Variants in CREBBP observed in about 807,000 individuals in gnomAD.
CREBBP encodes the protein CREB-binding protein.
CREBBP carries 19 observed loss-of-function variants against 265.0 expected under a neutral mutation model. The observed-to-expected ratio is 0.07, with a 90% CI of 0.05 to 0.11. CREBBP has a LOEUF of 0.11. Ranked by LOEUF, CREBBP falls within the 10% of genes least tolerant of loss-of-function variation. The pLI is 1.00. For synonymous variants in CREBBP, 1,457 were observed against 1,223.7 expected (o/e 1.19, Z -3.98); for missense variants, 2,525 against 3,219.0 (o/e 0.78, Z 5.22).
chr16:3,734,244 C>T (rs532360312), intron 28 of CREBBP, among the ~76,000 whole-genome samples: 8 of 152,288 alleles, frequency 5.3e-5, no homozygotes, highest in Non-Finnish European at 8.8e-5. Context: ...CTCCACCCCA[C>T]GCACCAGCCC....
chr16:3,812,097 T>A (rs768200978), intron 2 of CREBBP, among the ~76,000 whole-genome samples: 11 of 152,102 alleles, frequency 7.2e-5, no homozygotes, highest in Non-Finnish European at 1.6e-4. Flanking sequence ...GGTAAGGTAC[T>A]GATAATCACT....
intron 11 of CREBBP, 53 bp downstream of exon 11, chr16:3,777,560 T>C: frequency 6.4e-7 from 1 of 1,565,710 alleles, no homozygotes; most frequent in South Asian, 1.1e-5. Flanking sequence ...CAGTGAAAGT[T>C]ATGGCTGTTG....
chr16:3,856,704 C>G (rs1335619432), intron 1 of CREBBP, among the ~76,000 whole-genome samples: 2 of 152,178 alleles, frequency 1.3e-5, no homozygotes, highest in African/African-American at 4.8e-5. Flanking sequence ...GGAGCCATTA[C>G]CATTAGAGAT....
chr16:3,797,281 A>C (rs1195575686), intron 3 of CREBBP, among the ~76,000 whole-genome samples: 1 of 152,228 alleles, frequency 6.6e-6, no homozygotes, highest in Non-Finnish European at 1.5e-5. Context: ...GTAAAAATAA[A>C]GGGGCAATCT....
intron 5 of CREBBP, chr16:3,791,059 G>T (rs2053497219): frequency 6.5e-6 from 1 of 152,736 alleles, no homozygotes; most frequent in Admixed American, 6.5e-5. Flanking sequence ...AGACGAGATG[G>T]AGGAAGATGA....
In CREBBP at chr16:3,880,029, A is replaced by AGCGG. The variant is rs1031786978; in HGVS notation, c.-117_-114dup. ...GGGAGAGGAGCGAGCGCGGGCCGCG[A>AGCGG]GCGGGCGGGCGGGCGCCGAGGGAGA... On this transcript the variant is annotated 5_prime_UTR_variant, in exon 1 of 31. Transcript: ENST00000262367. The AGCGG allele has an allele frequency of 2.5e-5, 23 of 921,788 alleles. No individual in the cohort carries two copies. The highest frequency in any genetic ancestry group is 1.4e-4 in the Admixed American group (3 of 21,308). The allele number at this position is 921,788 out of a possible 1,614,324, so 57.1% of individuals were successfully genotyped here.
At position 3,728,284 on chromosome 16, in the gene CREBBP, G is replaced by C. The variant is rs754396803; in HGVS notation, c.6763C>G (p.Pro2255Ala). The stretch of plus-strand genomic sequence containing the variant: ...TGGCCCATGGAGCTGCCCTGGAGGG[G>C]GAGATGCTGCTGCATGCGCTGCTGC... ...QQQQRMQQHL[P>A]LQGSSMGQMA... Residue 2255 changes from proline (P) to alanine (A), a missense_variant, in exon 31 of 31, where the codon CCC becomes GCC. By Grantham distance (27) the Pro-to-Ala change is conservative. Transcript: ENST00000262367. The surrounding 1 kb of genome is among the most constrained non-coding windows in gnomAD (Gnocchi z 8.7). 17 of 1,612,156 alleles carry C rather than the reference G, an allele frequency of 1.1e-5. No homozygotes were observed. The highest frequency in any genetic ancestry group is 1.4e-5 in the Non-Finnish European group (17 of 1,179,622).
intron 19 of CREBBP, among the ~76,000 whole-genome samples, chr16:3,756,770 G>C (rs368077172): frequency 6.6e-6 from 1 of 152,156 alleles, no homozygotes. Flanking sequence ...AGGTAGAATA[G>C]TAAAATCCAC....
chr16:3,754,165 C>G (rs1356013697), intron 19 of CREBBP, among the ~76,000 whole-genome samples: 1 of 152,148 alleles, frequency 6.6e-6, no homozygotes, highest in African/African-American at 2.4e-5. Flanking sequence ...CTCAAAACTG[C>G]TGGAGAAATG....
chr16:3,740,770 C>T (rs1013847795), intron 23 of CREBBP: 23 of 618,014 alleles, frequency 3.7e-5, no homozygotes, highest in Non-Finnish European at 6.0e-5. Context: ...AAACCGTTTA[C>T]GTGCCCAGGT....
At chr16:3,839,010 T>C (rs1385325986) in intron 2 of CREBBP, among the ~76,000 whole-genome samples, 1 of 152,222 alleles carries the variant, frequency 6.6e-6, no homozygotes, top group Non-Finnish European at 1.5e-5. Context: ...CCTATGCATA[T>C]ACTAAGAATG....
rs1044154828 is a variant in CREBBP at position 3,725,362 on chromosome 16, G to C, written c.*2356C>G. On this transcript the variant is annotated 3_prime_UTR_variant, in exon 31 of 31. Transcript: ENST00000262367. Reference sequence around the variant, plus strand: ...GAATTCCAGGATAACCTGAAACAGAGGCCCCTCCACTGCCCACATTAAAAG... The same window carrying C: ...GAATTCCAGGATAACCTGAAACAGACGCCCCTCCACTGCCCACATTAAAAG... 2.6e-5 allele frequency: 6 copies of C among 233,174 alleles called. No homozygotes were observed. Among genetic ancestry groups the C allele is most frequent in the African/African-American group, 1.1e-4 (5 of 45,350 alleles). The allele number at this position is 233,174 out of a possible 1,614,324, so 14.4% of individuals were successfully genotyped here.
Position 3,726,906 on chromosome 16 carries a change from A to T in CREBBP, c.*812T>A, listed in dbSNP as rs929488418. ...TCTATACAGTGATTGAATCTTCTCG[A>T]GTTTCGTATTTATAGGAATTAGAGC... On this transcript the variant is annotated 3_prime_UTR_variant, in exon 31 of 31. Transcript: ENST00000262367. 6 of 233,456 alleles carry T rather than the reference A, an allele frequency of 2.6e-5. No individual in the cohort carries two copies. The highest frequency in any genetic ancestry group is 4.4e-5 in the African/African-American group (2 of 45,326). The allele number at this position is 233,456 out of a possible 1,614,324, so 14.5% of individuals were successfully genotyped here. A position where few individuals can be genotyped will look rare whatever the true frequency, so the allele number is the denominator to read the frequency against.
intron 1 of CREBBP, among the ~76,000 whole-genome samples, chr16:3,867,904 G>A (rs920582574): frequency 1.3e-5 from 2 of 151,860 alleles, no homozygotes; most frequent in Admixed American, 6.6e-5. Context: ...CCAGCCTGGC[G>A]GACAGAGTGA....
At chr16:3,867,747 G>A (rs987776982) in intron 1 of CREBBP, among the ~76,000 whole-genome samples, 6 of 139,420 alleles carry the variant, frequency 4.3e-5, no homozygotes, top group African/African-American at 8.1e-5. Context: ...GGAAGACCCC[G>A]TATCTCTACT....
chr16:3,833,993 C>T lies in CREBBP; in HGVS notation c.798+16304G>A, dbSNP rs371076914. 4.6e-5 allele frequency among the ~76,000 whole-genome samples: 7 copies of T among 152,250 alleles called. No homozygotes were observed. In the South Asian group the frequency reaches 8.3e-4, roughly 18 times the overall value. On this transcript the variant is annotated intron_variant, in intron 2 of 30. Coordinates refer to ENST00000262367, the MANE Select transcript of CREBBP (RefSeq NM_004380.3). Reference sequence around the variant, plus strand: ...TTAACATACACCTCATCAAAGAAGACACACAGATGGCAAATAAGCGTATGA... The same window carrying T: ...TTAACATACACCTCATCAAAGAAGATACACAGATGGCAAATAAGCGTATGA...
At chr16:3,744,811 G>A (rs2052301091) in intron 23 of CREBBP, 83 bp downstream of exon 23, 1 of 1,062,644 alleles carries the variant, frequency 9.4e-7, no homozygotes, top group Non-Finnish European at 1.5e-6. Flanking sequence ...CATGTGTTGA[G>A]AGGAACCAAA....
chr16:3,727,955 T>C lies in CREBBP; in HGVS notation c.7092A>G (p.Ser2364=). ...GCGAAGGCTGGGGCTGTATCCGTGG[T>C]GACGGGCTGGAATGTGGAGGCTGGG... ...PQSQPPHSSP[S]PRIQPQPSPH... is the part of the protein sequence containing the mutation. Residue 2364 remains serine, a synonymous_variant, in exon 31 of 31, where the codon TCA becomes TCG. Coordinates refer to ENST00000262367, the MANE Select transcript of CREBBP (RefSeq NM_004380.3). 6.2e-7 allele frequency: 1 copy of C among 1,607,338 alleles called. No homozygotes were observed. The highest frequency in any genetic ancestry group is 1.1e-5 in the South Asian group (1 of 90,472).
At chr16:3,825,767 CTTATAAG>C (rs1257308026) in intron 2 of CREBBP, among the ~76,000 whole-genome samples, 1 of 152,130 alleles carries the variant, frequency 6.6e-6, no homozygotes, top group African/African-American at 2.4e-5. Context: ...ATTTGAACCT[CTTATAAG>C]AGACAAAGTT....
Sources: gnomAD v4.1 joint callset for allele counts (sites outside exome capture counted in the v4.1 genomes callset) on GRCh38, gnomAD v4.1.1 for gene constraint, Gnocchi (gnomAD v3.1) non-coding constraint, MANE v1.5 for transcripts, NCBI Gene and HGNC (gene_info 2026-07-23, HGNC 2026-07-21) for gene names.